Variants in ABCD2 observed in about 807,000 individuals in gnomAD.
ABCD2 encodes the protein ATP-binding cassette sub-family D member 2.
Under a neutral mutation model 70.9 loss-of-function variants are expected in ABCD2, and 36 were observed. That is an observed-to-expected ratio of 0.51 (90% CI 0.39 to 0.67). ABCD2 has a LOEUF of 0.67. ABCD2 is among the 30% of genes least tolerant of loss of function. The pLI, the probability that ABCD2 is intolerant of heterozygous loss-of-function variation, is 0.00. For synonymous variants in ABCD2, 304 were observed against 306.9 expected (o/e 0.99, Z 0.10); for missense variants, 729 against 890.2 (o/e 0.82, Z 2.30).
chr12:39,564,641 C>A (rs1941315139), intron 9 of ABCD2, among the ~76,000 whole-genome samples: 1 of 152,090 alleles, frequency 6.6e-6, no homozygotes, highest in South Asian at 2.1e-4. Flanking sequence ...TAATTAGATC[C>A]CATTTGTCAA....
intron 9 of ABCD2, among the ~76,000 whole-genome samples, chr12:39,573,019 T>A (rs1488138087): frequency 6.6e-6 from 1 of 152,168 alleles, no homozygotes; most frequent in Non-Finnish European, 1.5e-5. Flanking sequence ...AGTATCTCAC[T>A]TTTCTAGTTC....
intron 6 of ABCD2, among the ~76,000 whole-genome samples, chr12:39,596,999 A>C (rs972356911): frequency 7.2e-5 from 11 of 152,056 alleles, no homozygotes; most frequent in African/African-American, 2.7e-4. Context: ...TTTTATGGTT[A>C]TGTTGTTGTT....
At chr12:39,567,914 G>C (rs919066698) in intron 9 of ABCD2, among the ~76,000 whole-genome samples, 1 of 152,016 alleles carries the variant, frequency 6.6e-6, no homozygotes, top group African/African-American at 2.4e-5. Context: ...TGAAATTCTG[G>C]GTTGAAAATT....
In ABCD2 at chr12:39,603,998, T is replaced by C; in HGVS notation, c.1414A>G (p.Ile472Val). ...SDTLAIKGKV[I>V]DVDHGIICEN... is the part of the protein sequence containing the mutation. Reference sequence around the variant, plus strand: ...CAAATAATTCCGTGATCCACATCAATAACTTTTCCTGTAATTAAGAAAAAG... The same window carrying C: ...CAAATAATTCCGTGATCCACATCAACAACTTTTCCTGTAATTAAGAAAAAG... Residue 472 changes from isoleucine to valine, a missense_variant, in exon 5 of 10, where the codon ATT (isoleucine) becomes GTT (valine). Ile to Val is a conservative substitution (Grantham distance 29). Transcript: ENST00000308666. The C allele has an allele frequency of 6.2e-7, 1 of 1,608,676 alleles. No homozygotes were observed. Among genetic ancestry groups the C allele is most frequent in the Non-Finnish European group, 8.5e-7 (1 of 1,175,928 alleles).
chr12:39,586,073 A>T, intron 7 of ABCD2, 79 bp downstream of exon 7: 3 of 1,323,210 alleles, frequency 2.3e-6, no homozygotes, highest in Non-Finnish European at 3.1e-6. Flanking sequence ...ATTCAAATTA[A>T]ACCACAGACT....
At chr12:39,534,335 T>C in the ABCD2 span, among the ~76,000 whole-genome samples, 5 of 152,198 alleles carry the variant, frequency 3.3e-5, no homozygotes, top group Non-Finnish European at 5.9e-5. Flanking sequence ...GGTAAGAGCA[T>C]TGACTTTGGA....
intron 7 of ABCD2, among the ~76,000 whole-genome samples, chr12:39,585,907 A>G (rs1292002823): frequency 6.6e-6 from 1 of 152,162 alleles, no homozygotes; most frequent in Non-Finnish European, 1.5e-5. Context: ...AAAGAAAAAA[A>G]CTGTTTTTAA....
At chr12:39,608,846 C>T (rs931720141) in intron 2 of ABCD2, among the ~76,000 whole-genome samples, 3 of 152,122 alleles carry the variant, frequency 2.0e-5, no homozygotes, top group Non-Finnish European at 4.4e-5. Flanking sequence ...AGCTGATTCT[C>T]ATAATCTAGC....
At chr12:39,558,866 A>C (rs905783170) in intron 9 of ABCD2, among the ~76,000 whole-genome samples, 4 of 152,234 alleles carry the variant, frequency 2.6e-5, no homozygotes, top group African/African-American at 9.6e-5. Flanking sequence ...GAAATGCAAC[A>C]GATATGAAAT....
intron 1 of ABCD2, 135 bp from the exon 2 acceptor site, chr12:39,617,303 T>C: frequency 1.9e-6 from 1 of 517,778 alleles, no homozygotes; most frequent in South Asian, 7.5e-5. Flanking sequence ...TATTATTTAG[T>C]TTTGGTCACA....
intron 9 of ABCD2, among the ~76,000 whole-genome samples, chr12:39,559,378 CAAAAAAAAAA>C (rs199560381): frequency 3.3e-5 from 2 of 60,378 alleles, no homozygotes; most frequent in South Asian, 1.6e-3. Context: ...ACTCCAGCTC[CAAAAAAAAAA>C]AAAAAAAAAA....
intron 6 of ABCD2, among the ~76,000 whole-genome samples, chr12:39,594,097 C>A (rs1465499448): frequency 6.6e-6 from 1 of 152,124 alleles, no homozygotes; most frequent in African/African-American, 2.4e-5. Flanking sequence ...GATATTAGTA[C>A]AGATCAGCAC....
At chr12:39,544,042 A>C in the ABCD2 span, among the ~76,000 whole-genome samples, 4 of 152,240 alleles carry the variant, frequency 2.6e-5, no homozygotes, top group African/African-American at 9.6e-5. Context: ...TAATTCATGC[A>C]GAGCCAGCTG....
intron 9 of ABCD2, among the ~76,000 whole-genome samples, chr12:39,569,137 A>G (rs553764187): frequency 7.0e-4 from 107 of 152,350 alleles, no homozygotes; most frequent in African/African-American, 2.5e-3. Flanking sequence ...TGTGAGAACC[A>G]CTGCTCTCTT....
At chr12:39,572,244 A>G (rs1183951281) in intron 9 of ABCD2, among the ~76,000 whole-genome samples, 1 of 152,056 alleles carries the variant, frequency 6.6e-6, no homozygotes, top group African/African-American at 2.4e-5. Flanking sequence ...GGTCAGAAAA[A>G]CTCCAAGCCT....
Position 39,551,347 on chromosome 12 carries a change from T to G in ABCD2, c.*2565A>C, listed in dbSNP as rs1413488460. 6.6e-6 allele frequency: 1 copy of G among 151,742 alleles called. No individual in the cohort carries two copies. The highest frequency in any genetic ancestry group is 1.5e-5 in the Non-Finnish European group (1 of 67,666). The allele number at this position is 151,742 out of a possible 1,614,324, so 9.4% of individuals were successfully genotyped here. On this transcript the variant is annotated 3_prime_UTR_variant, in exon 10 of 10. Coordinates refer to ENST00000308666, the MANE Select transcript of ABCD2 (RefSeq NM_005164.4). ...GTTTGGGCAAATAGATATAACATGG[T>G]AAAAGTAGTTTGAAACTTGAAATAT...
chr12:39,545,803 G>A (rs74820895), downstream of ABCD2, among the ~76,000 whole-genome samples: 2,060 of 152,204 alleles, frequency 0.014, 22 homozygotes, highest in Non-Finnish European at 0.018. Flanking sequence ...CTTGATAATA[G>A]TAAGAGTATA....
intron 5 of ABCD2, among the ~76,000 whole-genome samples, chr12:39,602,443 C>T (rs1486673359): frequency 6.6e-6 from 1 of 152,012 alleles, no homozygotes; most frequent in Non-Finnish European, 1.5e-5. Flanking sequence ...TATGAGCCAC[C>T]GCGCCCAGCC....
At chr12:39,609,116 A>G (rs796817648) in intron 2 of ABCD2, among the ~76,000 whole-genome samples, 5 of 152,302 alleles carry the variant, frequency 3.3e-5, no homozygotes, top group African/African-American at 1.2e-4. Flanking sequence ...TATTCCTAGT[A>G]TTCAGCACAG....
Sources: allele counts gnomAD v4.1 joint callset (sites outside exome capture counted in the v4.1 genomes callset), GRCh38; gene constraint gnomAD v4.1.1; transcripts MANE v1.5; gene names NCBI Gene and HGNC (gene_info 2026-07-23, HGNC 2026-07-21).